LPP: variants seen among roughly 807,000 people sequenced by gnomAD.
LPP encodes the protein LIM domain containing preferred translocation partner in lipoma.
Under a neutral mutation model 60.4 loss-of-function variants are expected in LPP, and 38 were observed. The ratio of observed to expected loss-of-function variants is 0.63; its 90% CI spans 0.49 to 0.83. The LOEUF is 0.83. LPP is among the 40% of genes least tolerant of loss of function. The pLI is 0.00. For synonymous variants in LPP, 328 were observed against 290.8 expected (o/e 1.13, Z -1.30); for missense variants, 902 against 783.6 (o/e 1.15, Z -1.80).
chr3:188,645,516 T>C (rs1850946264), intron 7 of LPP, among the ~76,000 whole-genome samples: 1 of 152,254 alleles, frequency 6.6e-6, no homozygotes, highest in East Asian at 1.9e-4. Context: ...TCAGATGTTG[T>C]TATGTGAGGT....
At chr3:188,840,797 T>A (rs761296533) in intron 9 of LPP, among the ~76,000 whole-genome samples, 11 of 152,216 alleles carry the variant, frequency 7.2e-5, no homozygotes, top group Non-Finnish European at 1.2e-4. Context: ...TTGCCCATCA[T>A]GTGAAATTAC....
chr3:188,569,402 T>C (rs115374485), intron 6 of LPP, among the ~76,000 whole-genome samples: 2,313 of 152,094 alleles, frequency 0.015, 29 homozygotes, highest in South Asian at 0.05. Flanking sequence ...GAATGAAAAT[T>C]AGAAGTATGT....
chr3:188,422,444 C>T (rs1788050436), intron 4 of LPP, among the ~76,000 whole-genome samples: 1 of 152,072 alleles, frequency 6.6e-6, no homozygotes, highest in Non-Finnish European at 1.5e-5. Flanking sequence ...GTGTTCAATA[C>T]CCAAAGACAC....
rs1179464175 is a variant in LPP, at chr3:188,609,454, A to T, written c.723A>T (p.Gly241=). 9 of 1,614,096 alleles carry T rather than the reference A, an allele frequency of 5.6e-6. No individual in the cohort carries two copies. Among genetic ancestry groups the T allele is most frequent in the Non-Finnish European group, 7.6e-6 (9 of 1,180,002 alleles). The stretch of plus-strand genomic sequence containing the variant: ...ATTATATGGCTGCCCCTTCATCAGG[A>T]CAAATTTATGGCTCAGGGCCCCAGG... ...SPHYMAAPSS[G]QIYGSGPQGY... The change falls in exon 7 of 12, where the codon GGA becomes GGT. Residue 241 remains glycine, a synonymous_variant. Transcript: ENST00000617246. This position sits in a 1 kb window ranked among gnomAD's most constrained non-coding sequence, Gnocchi z 6.9.
intron 2 of LPP, among the ~76,000 whole-genome samples, chr3:188,295,651 C>T (rs1325645061): frequency 1.3e-5 from 2 of 152,164 alleles, no homozygotes; most frequent in Non-Finnish European, 1.5e-5. Context: ...AATCCTCCCG[C>T]CTCAGCCTCC....
chr3:188,334,058 A>C (rs1001200372), intron 2 of LPP, among the ~76,000 whole-genome samples: 1 of 152,152 alleles, frequency 6.6e-6, no homozygotes. Context: ...GGTGATCAGT[A>C]TTTTACTCTC....
rs543655364 is a variant in LPP, at chr3:188,796,262, G to A, written c.1410+35980G>A. ...TAGACATCTCCAGACAGTGCAGCAC[G>A]CTGATTTGAGGAACTGAAAGAAGGC... On this transcript the variant is annotated intron_variant, in intron 9 of 11. Coordinates refer to ENST00000617246, the MANE Select transcript of LPP (RefSeq NM_001375462.1). 6.6e-5 allele frequency among the ~76,000 whole-genome samples: 10 copies of A among 152,302 alleles called. No individual in the cohort carries two copies. In the East Asian group the frequency reaches 1.7e-3, roughly 26 times the overall value.
chr3:188,674,204 A>G (rs2149289886), intron 7 of LPP, among the ~76,000 whole-genome samples: 1 of 152,302 alleles, frequency 6.6e-6, no homozygotes, highest in East Asian at 1.9e-4. Flanking sequence ...TAGGGTTGCA[A>G]CAATTTAAAA....
chr3:188,282,895 A>T (rs1742599793), intron 2 of LPP, among the ~76,000 whole-genome samples: 1 of 152,140 alleles, frequency 6.6e-6, no homozygotes, highest in Non-Finnish European at 1.5e-5. Context: ...TTCTGATCAG[A>T]GGGCAGACAT....
chr3:188,339,093 A>G (rs1024420261), intron 2 of LPP, among the ~76,000 whole-genome samples: 5 of 152,108 alleles, frequency 3.3e-5, no homozygotes, highest in Admixed American at 2.6e-4. Flanking sequence ...GAGGGTGAGC[A>G]TATTTTTGAG....
chr3:188,713,563 G>A (rs4405905), intron 8 of LPP, among the ~76,000 whole-genome samples: 9,755 of 152,192 alleles, frequency 0.064, 390 homozygotes, highest in Non-Finnish European at 0.096. Context: ...AGGTATGATT[G>A]TGTCTACAGT....
In LPP at chr3:188,610,420, G is replaced by A. The variant is rs1300140487; in HGVS notation, c.1113+576G>A. On this transcript the variant is annotated intron_variant, in intron 7 of 11. Transcript: ENST00000617246. This position sits in a 1 kb window ranked among gnomAD's most constrained non-coding sequence, Gnocchi z 4.4. ...GCCAAGGACCCAGGAAATGGGTGAG[G>A]CCAAGCAGGTCTAAGATAATGCAAA... 6.6e-6 allele frequency among the ~76,000 whole-genome samples: 1 copy of A among 152,200 alleles called. No homozygotes were observed. The highest frequency in any genetic ancestry group is 1.5e-5 in the Non-Finnish European group (1 of 68,034).
chr3:188,348,138 T>C (rs971101011), intron 3 of LPP, among the ~76,000 whole-genome samples: 5 of 152,158 alleles, frequency 3.3e-5, no homozygotes, highest in East Asian at 1.9e-4. Flanking sequence ...CATACCCTTT[T>C]TCTTTTCTTT....
At chr3:188,356,109 A>G (rs1462014629) in intron 3 of LPP, among the ~76,000 whole-genome samples, 9 of 152,136 alleles carry the variant, frequency 5.9e-5, no homozygotes, top group African/African-American at 9.7e-5. Flanking sequence ...TGTTTCTCCA[A>G]AGTTTCCCAA....
intron 6 of LPP, among the ~76,000 whole-genome samples, chr3:188,608,762 G>A (rs925289753): frequency 6.6e-6 from 1 of 152,092 alleles, no homozygotes; most frequent in Non-Finnish European, 1.5e-5. Context: ...CTTTGGGTAG[G>A]ATATACATTC....
intron 3 of LPP, among the ~76,000 whole-genome samples, chr3:188,387,447 T>G (rs1347587265): frequency 1.3e-5 from 2 of 152,212 alleles, no homozygotes; most frequent in Non-Finnish European, 2.9e-5. Flanking sequence ...GTGCCATATC[T>G]TAATTGTTTC....
intron 6 of LPP, among the ~76,000 whole-genome samples, chr3:188,605,782 A>G (rs1179988532): frequency 1.3e-5 from 2 of 152,198 alleles, no homozygotes; most frequent in Non-Finnish European, 2.9e-5. Context: ...ATTCCATTTG[A>G]TGCAGATAGA....
At chr3:188,500,439 A>T (rs1029477851) in intron 5 of LPP, among the ~76,000 whole-genome samples, 1 of 152,084 alleles carries the variant, frequency 6.6e-6, no homozygotes, top group Middle Eastern at 3.2e-3. Context: ...TCACTTGGCC[A>T]TGATATATCA....
Position 188,278,359 on chromosome 3 carries a change from C to T in LPP, c.-67+52832C>T, listed in dbSNP as rs1019832135. On this transcript the variant is annotated intron_variant, in intron 2 of 11. Transcript: ENST00000617246. ...CCTTTTCTGCTTACCTGGCTTGGAG[C>T]AAGTCCTCATCTGCCAAAGACTATG... Among the ~76,000 whole-genome samples the T allele has an allele frequency of 3.3e-5, 5 of 152,162 alleles. No homozygotes were observed. In the South Asian group the frequency reaches 1.0e-3, roughly 32 times the overall value.
Sources: gnomAD v4.1 joint callset for allele counts (sites outside exome capture counted in the v4.1 genomes callset) on GRCh38, gnomAD v4.1.1 for gene constraint, Gnocchi (gnomAD v3.1) non-coding constraint, MANE v1.5 for transcripts, NCBI Gene and HGNC (gene_info 2026-07-23, HGNC 2026-07-21) for gene names.